The following NACAD variants were observed in gnomAD, a reference collection of about 807,000 sequenced individuals.
The protein encoded by NACAD is NAC-alpha domain-containing protein 1.
A neutral mutation model predicts 98.9 loss-of-function variants in NACAD; 47 were observed. The ratio of observed to expected loss-of-function variants is 0.48; its 90% CI spans 0.38 to 0.61. NACAD has a LOEUF of 0.61. Among genes scored for constraint, NACAD ranks in the 20% least tolerant of loss-of-function variants. The pLI, the probability that NACAD is intolerant of heterozygous loss-of-function variation, is 0.00. For synonymous variants in NACAD, 696 were observed against 767.2 expected, an observed-to-expected ratio of 0.91 and a Z score of 1.53; for missense variants, 1,412 against 1,748.2, an observed-to-expected ratio of 0.81 and a Z score of 3.43.
chr7:45,086,735 C>T (rs1477315365), intron 1 of NACAD, among the ~76,000 whole-genome samples: 1 of 152,238 alleles, frequency 6.6e-6, no homozygotes, highest in Non-Finnish European at 1.5e-5. Flanking sequence ...AGCCAGGGGC[C>T]ACCACACGCA....
rs1460781904 is a variant in NACAD, at chr7:45,085,453, C to T, written c.727G>A (p.Glu243Lys). The stretch of plus-strand genomic sequence containing the variant: ...CAGCCTGAGGGGAAGTCCAGCCCTT[C>T]AGCCGGAGCCAGCAGGCTGAGGGAA... ...SCSLSLLAPA[E>K]GLDFPSGWGL... Residue 243 changes from glutamate (E) to lysine (K), a missense_variant, in exon 2 of 8, where the codon GAA becomes AAA. Around this residue, in one of 5 missense-constraint regions of NACAD, gnomAD observed 638 missense variants for 722.7 expected, o/e 0.88. Coordinates refer to ENST00000490531, the MANE Select transcript of NACAD (RefSeq NM_001146334.2). This position sits in a 1 kb window ranked among gnomAD's most constrained non-coding sequence, Gnocchi z 6.1. 2 of 1,549,712 alleles carry T rather than the reference C, an allele frequency of 1.3e-6. No individual in the cohort carries two copies. The highest frequency in any genetic ancestry group is 2.0e-5 in the Admixed American group (1 of 50,852).
Position 45,085,748 on chromosome 7 carries a change from A to G in NACAD, c.432T>C (p.Gly144=), listed in dbSNP as rs530899042. 1.0e-4 allele frequency: 159 copies of G among 1,549,302 alleles called. 1 individual carries two copies. In the African/African-American group the frequency reaches 1.4e-3, roughly 14 times the overall value. ...AARTALRDQE[G]GHASPDPPPE... ...GGGGTGGGTCTGGGCTTGCGTGCCCACCCTCCTGGTCCCTGAGCGCTGTCC... is the reference window on the plus strand; with the variant it reads ...GGGGTGGGTCTGGGCTTGCGTGCCCGCCCTCCTGGTCCCTGAGCGCTGTCC... The change falls in exon 2 of 8, where the codon GGT becomes GGC. Residue 144 remains glycine, a synonymous_variant. Transcript: ENST00000490531. The surrounding 1 kb of genome is among the most constrained non-coding windows in gnomAD (Gnocchi z 6.1).
At position 45,082,002 on chromosome 7, in the gene NACAD, G is replaced by T; in HGVS notation, c.4072+106C>A. 6.9e-7 allele frequency: 1 copy of T among 1,449,992 alleles called. No individual in the cohort carries two copies. Among genetic ancestry groups the T allele is most frequent in the Non-Finnish European group, 9.2e-7 (1 of 1,091,326 alleles). The allele number at this position is 1,449,992 out of a possible 1,614,324, so 89.8% of individuals were successfully genotyped here. On this transcript the variant is annotated intron_variant, in intron 2 of 7. Transcript: ENST00000490531. This position sits in a 1 kb window ranked among gnomAD's most constrained non-coding sequence, Gnocchi z 4.5. ...CTCTCCATGGTGGCTGTGGGGTCTGGGCCCCCCACCTCGCCACCTCAGAGG... is the reference window on the plus strand; with the variant it reads ...CTCTCCATGGTGGCTGTGGGGTCTGTGCCCCCCACCTCGCCACCTCAGAGG...
intron 1 of NACAD, among the ~76,000 whole-genome samples, chr7:45,087,212 A>G (rs1195328682): frequency 6.6e-6 from 1 of 152,190 alleles, no homozygotes. Context: ...CTGGACTCTT[A>G]CTGGCCTGTA....
At chr7:45,081,560 T>C (rs912869619) in intron 4 of NACAD, 41 bp downstream of exon 4, 18 of 1,549,020 alleles carry the variant, frequency 1.2e-5, no homozygotes, top group Non-Finnish European at 1.3e-5. Context: ...CCCACACAGA[T>C]GGTCCCAGGC....
chr7:45,088,768 G>A lies in NACAD; in HGVS notation c.67+60C>T. On this transcript the variant is annotated intron_variant, in intron 1 of 7. Transcript: ENST00000490531. The surrounding 1 kb of genome is among the most constrained non-coding windows in gnomAD (Gnocchi z 5.7). ...AGGGGTGAAAGGTGAGCGATGGAAA[G>A]AGAACCCGGGCTGGAGAGGGGAGAG... 2.1e-6 allele frequency: 3 copies of A among 1,396,584 alleles called. No individual in the cohort carries two copies. The South Asian group carries it at 4.2e-5, about 20-fold the overall frequency. 86.5% of individuals were successfully genotyped at this position (1,396,584 alleles called of 1,614,324 possible). A position where few individuals can be genotyped will look rare whatever the true frequency, so the allele number is the denominator to read the frequency against.
Position 45,083,418 on chromosome 7 carries a change from G to A in NACAD, c.2762C>T (p.Ala921Val). ...TTGCAGAGGCAGAGGTGCTGTCATA[G>A]CGGAGTCCTGGGGTAAGGTGAGGCC... is the stretch of plus-strand genomic sequence containing the variant. ...EEGLTLPQDSAMTAPLPLQDT... is the reference protein window; with the variant it reads ...EEGLTLPQDSVMTAPLPLQDT... The change falls in exon 2 of 8, where the codon GCT (alanine) becomes GTT (valine). Residue 921 changes from alanine to valine, a missense_variant. Ala to Val is a moderately conservative substitution (Grantham distance 64, BLOSUM62 0). Coordinates refer to ENST00000490531, the MANE Select transcript of NACAD (RefSeq NM_001146334.2). 1 of 1,550,314 alleles carries A rather than the reference G, an allele frequency of 6.5e-7. No individual in the cohort carries two copies. Among genetic ancestry groups the A allele is most frequent in the Non-Finnish European group, 8.7e-7 (1 of 1,146,972 alleles).
rs576670818 is a variant in NACAD, at chr7:45,083,137, C to T, written c.3043G>A (p.Ala1015Thr). 2.8e-5 allele frequency: 43 copies of T among 1,550,700 alleles called. No homozygotes were observed. Among genetic ancestry groups the T allele is most frequent in the Admixed American group, 1.8e-4 (9 of 50,996 alleles). Residue 1015 changes from alanine to threonine, a missense_variant, in exon 2 of 8, where the codon GCA becomes ACA. By Grantham distance (58) the Ala-to-Thr change is moderately conservative (BLOSUM62 0). Around this residue, in one of 5 missense-constraint regions of NACAD, gnomAD observed 572 missense variants for 639.6 expected, o/e 0.89. Transcript: ENST00000490531. Reference sequence around the variant, plus strand: ...AAAGTGGAATCCGCATCTTCCTGTGCGGCCCAAGGTGTCCCAGCTTCTGCA... The same window carrying T: ...AAAGTGGAATCCGCATCTTCCTGTGTGGCCCAAGGTGTCCCAGCTTCTGCA... ...PAAEAGTPWAAQEDADSTLGM... is the reference protein window; with the variant it reads ...PAAEAGTPWATQEDADSTLGM...
chr7:45,081,384 G>A lies in NACAD; in HGVS notation c.4258-121C>T, dbSNP rs1411212351. 5 of 1,402,208 alleles carry A rather than the reference G, an allele frequency of 3.6e-6. No individual in the cohort carries two copies. The African/African-American group carries it at 7.2e-5, about 20-fold the overall frequency. 86.9% of individuals were successfully genotyped at this position (1,402,208 alleles called of 1,614,324 possible). A position where few individuals can be genotyped will look rare whatever the true frequency, so the allele number is the denominator to read the frequency against. ...CCAACTTCCCCAAGACCTTGGGCTG[G>A]TGGTTGGTCCTTCCCCATGAGCCTC... On this transcript the variant is annotated intron_variant, in intron 4 of 7. Transcript: ENST00000490531.
At chr7:45,081,403 G>T in intron 4 of NACAD, 140 bp from the exon 5 acceptor site, 1 of 1,318,038 alleles carries the variant, frequency 7.6e-7, no homozygotes, top group Non-Finnish European at 1.0e-6. Context: ...CCTTCCCCAT[G>T]AGCCTCAGTC....
At position 45,084,638 on chromosome 7, in the gene NACAD, G is replaced by A. The variant is rs1006024629; in HGVS notation, c.1542C>T (p.Thr514=). The part of the protein sequence containing the change: ...PQAGEEETDS[T]AGQESAAMAM... Reference sequence around the variant, plus strand: ...CCATGGCAGCAGATTCTTGTCCAGCGGTGGAGTCTGTTTCTTCCTCCCCAG... The same window carrying A: ...CCATGGCAGCAGATTCTTGTCCAGCAGTGGAGTCTGTTTCTTCCTCCCCAG... The change falls in exon 2 of 8, where the codon ACC becomes ACT. Residue 514 remains threonine, a synonymous_variant. Transcript: ENST00000490531. The A allele has an allele frequency of 1.5e-5, 24 of 1,551,358 alleles. No homozygotes were observed. The highest frequency in any genetic ancestry group is 6.9e-5 in the African/African-American group (5 of 72,958).
chr7:45,080,518 C>G lies in NACAD; in HGVS notation c.4680G>C (p.Leu1560=). The change falls in exon 8 of 8, where the codon CTG becomes CTC. Residue 1560 remains leucine (L), a synonymous_variant. Transcript: ENST00000490531. ...AGCTTCCGGTCAGTGGCTACATGGT[C>G]AGTTCCTGCAGAAAGAGATGGTCAT... ...HSDIVNAIME[L]TM is the part of the protein sequence containing the mutation. The G allele has an allele frequency of 6.4e-7, 1 of 1,551,386 alleles. No homozygotes were observed. Among genetic ancestry groups the G allele is most frequent in the African/African-American group, 1.4e-5 (1 of 73,122 alleles).
intron 1 of NACAD, among the ~76,000 whole-genome samples, chr7:45,087,353 T>C (rs768936402): frequency 1.3e-4 from 20 of 152,372 alleles, no homozygotes; most frequent in Middle Eastern, 3.4e-3. Flanking sequence ...CTCCATTATG[T>C]CCACTCCCTC....
chr7:45,082,792 T>C lies in NACAD; in HGVS notation c.3388A>G (p.Ser1130Gly). Residue 1130 changes from serine to glycine, a missense_variant, in exon 2 of 8, where the codon AGT becomes GGT. By Grantham distance (56) the Ser-to-Gly change is moderately conservative (BLOSUM62 0). Around this residue, in one of 5 missense-constraint regions of NACAD, gnomAD observed 572 missense variants for 639.6 expected, o/e 0.89. Transcript: ENST00000490531. This position sits in a 1 kb window ranked among gnomAD's most constrained non-coding sequence, Gnocchi z 4.5. ...LSPAREERGL[S>G]GKSTPEPTLP... Reference sequence around the variant, plus strand: ...GTGGGCTCCGGGGTGGACTTGCCACTCAGGCCTCTTTCCTCCCTGGCTGGG... The same window carrying C: ...GTGGGCTCCGGGGTGGACTTGCCACCCAGGCCTCTTTCCTCCCTGGCTGGG... 6.5e-7 allele frequency: 1 copy of C among 1,549,640 alleles called. No homozygotes were observed. The highest frequency in any genetic ancestry group is 1.2e-5 in the South Asian group (1 of 83,898).
chr7:45,082,992 C>T lies in NACAD; in HGVS notation c.3188G>A (p.Gly1063Glu), dbSNP rs979421826. 20 of 1,550,860 alleles carry T rather than the reference C, an allele frequency of 1.3e-5. No homozygotes were observed. Among genetic ancestry groups the T allele is most frequent in the Non-Finnish European group, 1.7e-5 (20 of 1,147,014 alleles). The change falls in exon 2 of 8, where the codon GGG (glycine) becomes GAG (glutamate). Residue 1063 changes from glycine to glutamate, a missense_variant. Gly to Glu is a moderately conservative substitution (Grantham distance 98). Around this residue, in one of 5 missense-constraint regions of NACAD, gnomAD observed 572 missense variants for 639.6 expected, o/e 0.89. Coordinates refer to ENST00000490531, the MANE Select transcript of NACAD (RefSeq NM_001146334.2). This position sits in a 1 kb window ranked among gnomAD's most constrained non-coding sequence, Gnocchi z 4.5. ...CTTTTGGGGTGAGTCAGGCTTAGCC[C>T]CATCACCTGTGTGCGCTCGCGCTTC... is the stretch of plus-strand genomic sequence containing the variant. ...CLEARAHTGD[G>E]AKPDSPQKET...
rs1280709145 is a variant in NACAD, at chr7:45,085,479, C to T, written c.701G>A (p.Cys234Tyr). ...DGDSWASSPS[C>Y]SLSLLAPAEG... ...AGCCGGAGCCAGCAGGCTGAGGGAA[C>T]AGGAGGGTGAAGAGGCCCAGCTGTC... Residue 234 changes from cysteine to tyrosine, a missense_variant, in exon 2 of 8, where the codon TGT becomes TAT. By Grantham distance (194) the Cys-to-Tyr change is radical. Transcript: ENST00000490531. This position sits in a 1 kb window ranked among gnomAD's most constrained non-coding sequence, Gnocchi z 6.1. 7 of 1,550,582 alleles carry T rather than the reference C, an allele frequency of 4.5e-6. No homozygotes were observed. Among genetic ancestry groups the T allele is most frequent in the Non-Finnish European group, 6.1e-6 (7 of 1,146,900 alleles).
rs769414179 is a variant in NACAD, at chr7:45,085,997, C to T, written c.183G>A (p.Pro61=). The change falls in exon 2 of 8, where the codon CCG becomes CCA. Residue 61 remains proline, a synonymous_variant. Transcript: ENST00000490531. This position sits in a 1 kb window ranked among gnomAD's most constrained non-coding sequence, Gnocchi z 6.1. ...CTCCCTCGGGCTGGGGCCGGGCACC[C>T]GGCTTGCTGGGCAGGAACGTGAGGG... ...HLALTFLPSK[P]GARPQPEGAS... 80 of 1,536,040 alleles carry T rather than the reference C, an allele frequency of 5.2e-5. 1 individual carries two copies. The Middle Eastern group carries it at 5.3e-4, about 10-fold the overall frequency.
chr7:45,082,284 A>C lies in NACAD; in HGVS notation c.3896T>G (p.Leu1299Arg). ...GCTGAGGAGTGGGGAGTGAGGCGAG[A>C]GGCTGACTCGCGGCCCAGTCCCCAG... is the stretch of plus-strand genomic sequence containing the variant. The part of the protein sequence containing the change: ...QPLGTGPRVS[L>R]SPHSPLLSPK... The change falls in exon 2 of 8, where the codon CTC (leucine) becomes CGC (arginine). Residue 1299 changes from leucine (L) to arginine (R), a missense_variant. Physicochemically the swap from Leu to Arg is moderately radical, Grantham distance 102. Around this residue, in one of 5 missense-constraint regions of NACAD, gnomAD observed 572 missense variants for 639.6 expected, o/e 0.89. Coordinates refer to ENST00000490531, the MANE Select transcript of NACAD (RefSeq NM_001146334.2). This position sits in a 1 kb window ranked among gnomAD's most constrained non-coding sequence, Gnocchi z 4.5. The C allele has an allele frequency of 6.4e-7, 1 of 1,550,574 alleles. No homozygotes were observed. Among genetic ancestry groups the C allele is most frequent in the Non-Finnish European group, 8.7e-7 (1 of 1,146,934 alleles).
Position 45,086,057 on chromosome 7 carries a change from C to T in NACAD, c.123G>A (p.Glu41=). 6.5e-7 allele frequency: 1 copy of T among 1,535,444 alleles called. No individual in the cohort carries two copies. The highest frequency in any genetic ancestry group is 8.7e-7 in the Non-Finnish European group (1 of 1,146,534). ...ATTILGGDRR[E]PCALTPGPSH... ...TGGGCCCTGGGGTCAGAGCACAGGGCTCCCGCCGGTCCCCTCCCAGGATGG... is the reference window on the plus strand; with the variant it reads ...TGGGCCCTGGGGTCAGAGCACAGGGTTCCCGCCGGTCCCCTCCCAGGATGG... The change falls in exon 2 of 8, where the codon GAG becomes GAA. Residue 41 remains glutamate, a synonymous_variant. Coordinates refer to ENST00000490531, the MANE Select transcript of NACAD (RefSeq NM_001146334.2).
Sources: allele counts gnomAD v4.1 joint callset (sites outside exome capture counted in the v4.1 genomes callset), GRCh38; gene constraint gnomAD v4.1.1; regional missense constraint gnomAD v4.1.1; non-coding constraint Gnocchi (gnomAD v3.1); transcripts MANE v1.5; gene names NCBI Gene and HGNC (gene_info 2026-07-23, HGNC 2026-07-21).